SIRT4: variants seen among roughly 807,000 people sequenced by gnomAD.
SIRT4 encodes the protein sirtuin 4.
A neutral mutation model predicts 26.1 loss-of-function variants in SIRT4; 23 were observed. The ratio of observed to expected loss-of-function variants is 0.88; its 90% CI spans 0.63 to 1.25. SIRT4 has a LOEUF of 1.25. Among genes scored for constraint, SIRT4 ranks in the 50% most tolerant of loss-of-function variants. SIRT4 has a pLI of 0.00. For missense variants in SIRT4, 361 were observed against 405.4 expected, an observed-to-expected ratio of 0.89 and a Z score of 0.94; for synonymous variants, 155 against 158.4, an observed-to-expected ratio of 0.98 and a Z score of 0.16.
the SIRT4 span, among the ~76,000 whole-genome samples, chr12:120,295,076 C>T: frequency 6.6e-6 from 1 of 152,062 alleles, no homozygotes; most frequent in Non-Finnish European, 1.5e-5. Context: ...AGTGATCCTC[C>T]TGCCTCAGCC....
At chr12:120,300,223 T>C (rs1872495373), upstream of SIRT4, among the ~76,000 whole-genome samples, 1 of 150,808 alleles carries the variant, frequency 6.6e-6, no homozygotes, top group South Asian at 2.1e-4. Flanking sequence ...GCCTGGGAAG[T>C]AGAAACTGCA....
chr12:120,299,820 A>G (rs560702970), upstream of SIRT4, among the ~76,000 whole-genome samples: 1 of 152,194 alleles, frequency 6.6e-6, no homozygotes, highest in Non-Finnish European at 1.5e-5. Context: ...ATCAGACATT[A>G]TCTTGTGCAG....
intron 2 of SIRT4, among the ~76,000 whole-genome samples, chr12:120,308,108 TG>T (rs1378197403): frequency 6.6e-6 from 1 of 151,354 alleles, no homozygotes; most frequent in Non-Finnish European, 1.5e-5. Context: ...CCTCCTGCCT[TG>T]ATCTTCCAAA....
At chr12:120,298,094 G>T (rs567996701), upstream of SIRT4, among the ~76,000 whole-genome samples, 14 of 150,994 alleles carry the variant, frequency 9.3e-5, no homozygotes, top group African/African-American at 2.2e-4. Flanking sequence ...TACTGGGGAG[G>T]CTGAGGCAGG....
Position 120,304,876 on chromosome 12 carries a change from G to A in SIRT4, c.497+818G>A, listed in dbSNP as rs1419717383. Among the ~76,000 whole-genome samples the A allele has an allele frequency of 5.6e-5, 8 of 143,178 alleles. No individual in the cohort carries two copies. In the South Asian group the frequency reaches 6.6e-4, roughly 12 times the overall value. The allele number at this position is 143,178 out of a possible 152,430, so 93.9% of individuals were successfully genotyped here. A position where few individuals can be genotyped will look rare whatever the true frequency, so the allele number is the denominator to read the frequency against. ...TTTTTTTTTAAAGAAAGTTGAGGCC[G>A]GGTGTGGTGGCTCACGCCTGTAATC... On this transcript the variant is annotated intron_variant, in intron 2 of 3. Transcript: ENST00000202967.
At chr12:120,298,948 C>T (rs889669664), upstream of SIRT4, among the ~76,000 whole-genome samples, 3 of 46,876 alleles carry the variant, frequency 6.4e-5, no homozygotes, top group African/African-American at 2.0e-4. Flanking sequence ...AATAAATAGC[C>T]GGGCGCGGTG....
chr12:120,296,223 ATT>A, the SIRT4 span, among the ~76,000 whole-genome samples: 1 of 145,990 alleles, frequency 6.8e-6, no homozygotes. Context: ...CAAAAATGAC[ATT>A]TTTTTTTTTT....
At chr12:120,306,195 G>T (rs1209606010) in intron 2 of SIRT4, among the ~76,000 whole-genome samples, 1 of 151,964 alleles carries the variant, frequency 6.6e-6, no homozygotes, top group Admixed American at 6.6e-5. Flanking sequence ...AAGGAAATTG[G>T]CTGGGCACGG....
At chr12:120,308,897 T>A (rs1326701825) in intron 2 of SIRT4, among the ~76,000 whole-genome samples, 1 of 152,068 alleles carries the variant, frequency 6.6e-6, no homozygotes, top group African/African-American at 2.4e-5. Flanking sequence ...CCGCCGGGCG[T>A]GGTGGCTCAT....
chr12:120,304,827 ATATATATATTTTTTTT>A (rs1238038664), intron 2 of SIRT4, among the ~76,000 whole-genome samples: 112 of 104,228 alleles, frequency 1.1e-3, no homozygotes, highest in African/African-American at 3.7e-3. Flanking sequence ...ATATATATAT[ATATATATATTTTTTTT>A]TTTTTTTTTT....
intron 2 of SIRT4, among the ~76,000 whole-genome samples, chr12:120,306,455 C>T (rs1872749249): frequency 6.8e-6 from 1 of 146,880 alleles, no homozygotes; most frequent in Admixed American, 6.9e-5. Context: ...AGCCTGCAGC[C>T]TGGGCAACAA....
rs201686223 is a variant in SIRT4 at position 120,303,630 on chromosome 12, G to C, written c.69G>C (p.Pro23=). ...KGRWIANPSQ[P]CSKASIGLFV... Reference sequence around the variant, plus strand: ...GTTGGATCGCAAACCCCAGCCAGCCGTGCTCGAAAGCCTCCATTGGGTTAT... The same window carrying C: ...GTTGGATCGCAAACCCCAGCCAGCCCTGCTCGAAAGCCTCCATTGGGTTAT... Residue 23 remains proline, a synonymous_variant, in exon 2 of 4, where the codon CCG becomes CCC. Transcript: ENST00000202967. The C allele has an allele frequency of 6.2e-7, 1 of 1,613,934 alleles. No individual in the cohort carries two copies.
chr12:120,312,393 GTC>G (rs1873013808), intron 2 of SIRT4, 61 bp from the exon 3 acceptor site: 2 of 1,488,282 alleles, frequency 1.3e-6, no homozygotes, highest in Non-Finnish European at 9.1e-7. Flanking sequence ...GAGATGAAAC[GTC>G]TCTGACAGCT....
chr12:120,294,546 C>T, the SIRT4 span, among the ~76,000 whole-genome samples: 1,042 of 152,082 alleles, frequency 6.9e-3, 10 homozygotes, highest in African/African-American at 0.024. Context: ...CGTGAGCCAC[C>T]GCGCCCGGTC....
rs1459699004 is a variant in SIRT4, at chr12:120,303,825, G to A, written c.264G>A (p.Arg88=). The stretch of plus-strand genomic sequence containing the variant: ...GGCTTTATGCCCGCACTGACCGCAG[G>A]CCCATCCAGCATGGTGATTTTGTCC... ...KVGLYARTDR[R]PIQHGDFVRS... is the part of the protein sequence containing the mutation. Residue 88 remains arginine (R), a synonymous_variant, in exon 2 of 4, where the codon AGG becomes AGA. Coordinates refer to ENST00000202967, the MANE Select transcript of SIRT4 (RefSeq NM_012240.3). The A allele has an allele frequency of 6.2e-7, 1 of 1,614,104 alleles. No homozygotes were observed. The highest frequency in any genetic ancestry group is 1.7e-5 in the Admixed American group (1 of 59,982).
intron 2 of SIRT4, among the ~76,000 whole-genome samples, chr12:120,309,426 T>C (rs1445292475): frequency 6.7e-6 from 1 of 150,312 alleles, no homozygotes; most frequent in African/African-American, 2.4e-5. Context: ...TTTTTTTTTT[T>C]TTTGAGACAG....
intron 2 of SIRT4, 60 bp downstream of exon 2, chr12:120,304,118 C>A: frequency 1.9e-6 from 3 of 1,566,932 alleles, no homozygotes; most frequent in Non-Finnish European, 2.6e-6. Context: ...AGAGTAGGGA[C>A]CTTGGCTGTC....
chr12:120,310,828 C>T (rs1280110718), intron 2 of SIRT4, among the ~76,000 whole-genome samples: 4 of 151,280 alleles, frequency 2.6e-5, no homozygotes, highest in Non-Finnish European at 5.9e-5. Context: ...CTCCGCCTCC[C>T]GGGTTCACGC....
chr12:120,295,983 G>A, the SIRT4 span, among the ~76,000 whole-genome samples: 1 of 150,448 alleles, frequency 6.6e-6, no homozygotes, highest in Non-Finnish European at 1.5e-5. Flanking sequence ...GCTACTAGGG[G>A]GGCTGAGGCA....
Sources: allele counts gnomAD v4.1 joint callset (sites outside exome capture counted in the v4.1 genomes callset), GRCh38; gene constraint gnomAD v4.1.1; transcripts MANE v1.5; gene names NCBI Gene and HGNC (gene_info 2026-07-23, HGNC 2026-07-21).